FOXN1: variants seen among roughly 807,000 people sequenced by gnomAD.
The protein encoded by FOXN1 is forkhead box protein N1.
FOXN1 carries 15 observed loss-of-function variants against 49.0 expected under a neutral mutation model. That is an observed-to-expected ratio of 0.31 (90% CI 0.20 to 0.47). The LOEUF (loss-of-function observed/expected upper bound fraction) is 0.47. Ranked by LOEUF, FOXN1 falls within the 20% of genes least tolerant of loss-of-function variation. FOXN1 has a pLI of 1.00. For missense variants in FOXN1, 800 were observed against 842.8 expected (o/e 0.95, Z 0.63); for synonymous variants, 356 against 369.0 (o/e 0.96, Z 0.40).
rs569218410 is a variant in FOXN1 at position 28,506,908 on chromosome 17, G to T, written c.-15+465G>T. 1.7e-3 allele frequency among the ~76,000 whole-genome samples: 261 copies of T among 152,346 alleles called. 2 individuals are homozygous for T. Among genetic ancestry groups the T allele is most frequent in the African/African-American group, 5.9e-3 (247 of 41,578 alleles). ...AGCACCAAGGGTGTGTGCAGATCAAGGAATTGCTCAACATCTCCACGCAGC... is the reference window on the plus strand; with the variant it reads ...AGCACCAAGGGTGTGTGCAGATCAATGAATTGCTCAACATCTCCACGCAGC... On this transcript the variant is annotated intron_variant, in intron 1 of 8. Transcript: ENST00000579795.
intron 1 of FOXN1, among the ~76,000 whole-genome samples, chr17:28,510,584 A>ACACACGCG (rs2069374293): frequency 1.2e-5 from 1 of 85,236 alleles, no homozygotes; most frequent in African/African-American, 8.8e-5. Flanking sequence ...ACACACGCAC[A>ACACACGCG]CACACACACA....
At chr17:28,533,039 C>G (rs1034009515) in intron 6 of FOXN1, among the ~76,000 whole-genome samples, 4 of 152,190 alleles carry the variant, frequency 2.6e-5, no homozygotes, top group Non-Finnish European at 4.4e-5. Flanking sequence ...AACCAGCAAC[C>G]TGCCCCAGGC....
intron 3 of FOXN1, among the ~76,000 whole-genome samples, chr17:28,525,928 A>T (rs1464206837): frequency 6.6e-6 from 1 of 152,112 alleles, no homozygotes; most frequent in Non-Finnish European, 1.5e-5. Context: ...TACTGCCCCC[A>T]AACCTCCACT....
chr17:28,525,299 G>A (rs1253816845), intron 3 of FOXN1, among the ~76,000 whole-genome samples: 6 of 152,156 alleles, frequency 3.9e-5, no homozygotes, highest in African/African-American at 9.7e-5. Flanking sequence ...AATGTGACAA[G>A]AAAAACACAT....
rs10527420 is a variant in FOXN1, at chr17:28,523,792, TTCTCTCTC to T, written c.-14-131_-14-124del. 113,919 of 645,432 alleles carry T rather than the reference TTCTCTCTC, an allele frequency of 0.18. 4,502 individuals are homozygous for T. Among genetic ancestry groups the T allele is most frequent in the African/African-American group, 0.3 (15,271 of 51,536 alleles). The allele number at this position is 645,432 out of a possible 1,614,324, so 40.0% of individuals were successfully genotyped here. A position where few individuals can be genotyped will look rare whatever the true frequency, so the allele number is the denominator to read the frequency against. On this transcript the variant is annotated intron_variant, in intron 1 of 8. Transcript: ENST00000579795. ...TCTCTTTCTCTCTCTCGCTCTCTGG[TTCTCTCTC>T]TCTCTCTCTCTCTCTCTCTCTCTCT... is the stretch of plus-strand genomic sequence containing the variant.
chr17:28,520,169 C>T (rs1387429187), intron 1 of FOXN1, among the ~76,000 whole-genome samples: 3 of 152,328 alleles, frequency 2.0e-5, no homozygotes, highest in South Asian at 2.1e-4. Context: ...CGATTCAAAT[C>T]CAGCCCTGAC....
intron 1 of FOXN1, among the ~76,000 whole-genome samples, chr17:28,512,959 G>T (rs1171187214): frequency 6.6e-6 from 1 of 152,186 alleles, no homozygotes; most frequent in Non-Finnish European, 1.5e-5. Flanking sequence ...AGGAGAGAAG[G>T]GGTCCTAGTA....
At chr17:28,511,949 C>A (rs547942745) in intron 1 of FOXN1, among the ~76,000 whole-genome samples, 3 of 152,178 alleles carry the variant, frequency 2.0e-5, no homozygotes, top group Non-Finnish European at 4.4e-5. Context: ...CACAGCCCAA[C>A]AACTCCAAAG....
rs769294768 is a variant in FOXN1 at position 28,524,037 on chromosome 17, G to A, written c.68G>A (p.Arg23His). ...GGCCCCACCAGACTGGAGGGCGAGC[G>A]CCAAGGGGACCTCATGCAGGCACCG... ...LPGPTRLEGE[R>H]QGDLMQAPGL... The change falls in exon 2 of 9, where the codon CGC (arginine) becomes CAC (histidine). Residue 23 changes from arginine (R) to histidine (H), a missense_variant. Physicochemically the swap from Arg to His is conservative, Grantham distance 29. This residue lies in a region of FOXN1 where 383 missense variants were observed against 357.9 expected (regional missense o/e 1.07). Transcript: ENST00000579795. The A allele has an allele frequency of 2.6e-5, 42 of 1,611,918 alleles. No homozygotes were observed. The highest frequency in any genetic ancestry group is 6.6e-5 in the South Asian group (6 of 90,976).
chr17:28,537,294 G>A lies in FOXN1; in HGVS notation c.1805G>A (p.Ser602Asn). ...GCAGGTGACTTGGCAGCCCCGGGCA[G>A]TGGTGGCTCCGGGGCACTGGGTGAC... ...SGAGDLAAPGSGGSGALGDLH... is the reference protein window; with the variant it reads ...SGAGDLAAPGNGGSGALGDLH... The change falls in exon 9 of 9, where the codon AGT (serine) becomes AAT (asparagine). Residue 602 changes from serine to asparagine, a missense_variant. Transcript: ENST00000579795. The A allele has an allele frequency of 6.2e-7, 1 of 1,613,914 alleles. No individual in the cohort carries two copies. Among genetic ancestry groups the A allele is most frequent in the Non-Finnish European group, 8.5e-7 (1 of 1,179,936 alleles).
intron 3 of FOXN1, 116 bp downstream of exon 3, chr17:28,525,083 C>T: frequency 1.2e-6 from 1 of 859,438 alleles, no homozygotes; most frequent in Non-Finnish European, 1.9e-6. Flanking sequence ...GACCTTGCCA[C>T]TCAAGACCAG....
chr17:28,533,544 C>T (rs1836403200), intron 6 of FOXN1, among the ~76,000 whole-genome samples: 3 of 151,576 alleles, frequency 2.0e-5, no homozygotes, highest in Admixed American at 1.3e-4. Context: ...TGGGCACACT[C>T]ATGCAAACAC....
intron 1 of FOXN1, among the ~76,000 whole-genome samples, chr17:28,519,244 T>A (rs1384923550): frequency 1.3e-5 from 2 of 151,360 alleles, no homozygotes; most frequent in African/African-American, 4.9e-5. Context: ...GGCGGGAGGA[T>A]CAGTTGAGCC....
rs1349679884 is a variant in FOXN1 at position 28,534,862 on chromosome 17, G to A, written c.1291G>A (p.Gly431Ser). The change falls in exon 8 of 9, where the codon GGC becomes AGC. Residue 431 changes from glycine to serine, a missense_variant. Gly to Ser is a moderately conservative substitution (Grantham distance 56, BLOSUM62 0). Transcript: ENST00000579795. The surrounding 1 kb of genome is among the most constrained non-coding windows in gnomAD (Gnocchi z 4.1). ...ACTGCACTCACTCCACCCAGCTCCAGGCCCCATTCCTGGCAAGAACCCCCT... is the reference window on the plus strand; with the variant it reads ...ACTGCACTCACTCCACCCAGCTCCAAGCCCCATTCCTGGCAAGAACCCCCT... Reference protein sequence around the residue: ...PPLHSLHPAPGPIPGKNPLQD... With the variant: ...PPLHSLHPAPSPIPGKNPLQD... 1 of 1,614,022 alleles carries A rather than the reference G, an allele frequency of 6.2e-7. No homozygotes were observed. Among genetic ancestry groups the A allele is most frequent in the Non-Finnish European group, 8.5e-7 (1 of 1,179,946 alleles).
chr17:28,535,104 A>G lies in FOXN1; in HGVS notation c.1533A>G (p.Pro511=), dbSNP rs2070027982. The change falls in exon 8 of 9, where the codon CCA becomes CCG. Residue 511 remains proline, a synonymous_variant. Coordinates refer to ENST00000579795, the MANE Select transcript of FOXN1 (RefSeq NM_001369369.1). ...HSAKLLAEPS[P]ARTMHDTLLP... is the part of the protein sequence containing the mutation. Reference sequence around the variant, plus strand: ...CCAAGCTACTGGCCGAGCCTTCCCCAGCCAGGACTATGCACGACACCCTGC... The same window carrying G: ...CCAAGCTACTGGCCGAGCCTTCCCCGGCCAGGACTATGCACGACACCCTGC... 2 of 1,607,870 alleles carry G rather than the reference A, an allele frequency of 1.2e-6. No homozygotes were observed. The highest frequency in any genetic ancestry group is 1.7e-6 in the Non-Finnish European group (2 of 1,175,906).
intron 1 of FOXN1, among the ~76,000 whole-genome samples, chr17:28,519,460 G>GTGGGTTT (rs2069597037): frequency 6.6e-6 from 1 of 152,194 alleles, no homozygotes; most frequent in Non-Finnish European, 1.5e-5. Context: ...GTTGTGGGTT[G>GTGGGTTT]TGGGTACCCA....
intron 6 of FOXN1, 139 bp downstream of exon 6, chr17:28,530,984 C>T (rs915893525): frequency 4.4e-6 from 3 of 676,274 alleles, no homozygotes; most frequent in East Asian, 2.7e-5. Flanking sequence ...CCATGCTTTC[C>T]GTTGTCTCCA....
chr17:28,521,566 C>T (rs1438437044), intron 1 of FOXN1, among the ~76,000 whole-genome samples: 1 of 152,248 alleles, frequency 6.6e-6, no homozygotes, highest in Non-Finnish European at 1.5e-5. Context: ...CCCGTTACGG[C>T]CAGCTCGGCG....
chr17:28,527,465 G>A lies in FOXN1; in HGVS notation c.699+104G>A. 6.7e-6 allele frequency: 5 copies of A among 741,262 alleles called. No homozygotes were observed. The Admixed American group carries it at 8.0e-5, about 12-fold the overall frequency. The allele number at this position is 741,262 out of a possible 1,614,324, so 45.9% of individuals were successfully genotyped here. A position where few individuals can be genotyped will look rare whatever the true frequency, so the allele number is the denominator to read the frequency against. ...GTGATGGCATGTGTTCACCAGGATA[G>A]GCAGATAAGGACAGCAGGGCCCTGA... On this transcript the variant is annotated intron_variant, in intron 4 of 8. Transcript: ENST00000579795.
Sources: gnomAD v4.1 joint callset for allele counts (sites outside exome capture counted in the v4.1 genomes callset) on GRCh38, gnomAD v4.1.1 for gene constraint, gnomAD v4.1.1 regional missense constraint, Gnocchi (gnomAD v3.1) non-coding constraint, MANE v1.5 for transcripts, NCBI Gene and HGNC (gene_info 2026-07-23, HGNC 2026-07-21) for gene names.